NUP153: variants seen among roughly 807,000 people sequenced by gnomAD.
The protein encoded by NUP153 is nuclear pore complex protein Nup153.
A neutral mutation model predicts 134.6 loss-of-function variants in NUP153; 27 were observed. The observed-to-expected ratio is 0.20, with a 90% confidence interval of 0.15 to 0.28. NUP153 has a LOEUF of 0.28. NUP153 is among the 10% of genes least tolerant of loss of function. The pLI, the probability that NUP153 is intolerant of heterozygous loss-of-function variation, is 1.00. For missense variants in NUP153, 1,821 were observed against 1,731.3 expected, an observed-to-expected ratio of 1.05 and a Z score of -0.92; for synonymous variants, 640 against 623.5, an observed-to-expected ratio of 1.03 and a Z score of -0.40.
At position 17,675,120 on chromosome 6, in the gene NUP153, T is replaced by C; in HGVS notation, c.724-87A>G. The C allele has an allele frequency of 6.5e-7, 1 of 1,545,154 alleles. No individual in the cohort carries two copies. The highest frequency in any genetic ancestry group is 1.2e-5 in the South Asian group (1 of 83,872). On this transcript the variant is annotated intron_variant, in intron 4 of 21. Coordinates refer to ENST00000262077, the MANE Select transcript of NUP153 (RefSeq NM_005124.4). This position sits in a 1 kb window ranked among gnomAD's most constrained non-coding sequence, Gnocchi z 4.4. ...GAGTTAAGATCATGCTGCTACACAC[T>C]CAAGCCTGGGCAACAGCAAAAGACT...
chr6:17,653,249 T>C (rs1410012065), intron 11 of NUP153, among the ~76,000 whole-genome samples: 1 of 151,894 alleles, frequency 6.6e-6, no homozygotes, highest in Non-Finnish European at 1.5e-5. Flanking sequence ...CGAGGCTCCA[T>C]CTCAAAAAAA....
intron 11 of NUP153, among the ~76,000 whole-genome samples, chr6:17,657,401 TAA>T (rs140217238): frequency 1.4e-4 from 20 of 140,412 alleles, no homozygotes; most frequent in African/African-American, 4.5e-4. Context: ...AATAAAAAAA[TAA>T]AAAAAAAAAA....
rs1006765084 is a variant in NUP153, at chr6:17,662,026, T to C, written c.1260A>G (p.Gln420=). Residue 420 remains glutamine, a synonymous_variant, in exon 10 of 22, where the codon CAA becomes CAG. Coordinates refer to ENST00000262077, the MANE Select transcript of NUP153 (RefSeq NM_005124.4). ...ATAAGAAATGACAGTACCTTTCTCG[T>C]TGTTCTCTATTTTGTCCGGGTGTCA... ...KNMTPGQNRE[Q]RESGFSYPNF... is the part of the protein sequence containing the mutation. 2 of 1,590,206 alleles carry C rather than the reference T, an allele frequency of 1.3e-6. No homozygotes were observed. The highest frequency in any genetic ancestry group is 2.7e-5 in the African/African-American group (2 of 74,578).
At chr6:17,701,908 G>A (rs1431424127) in intron 1 of NUP153, among the ~76,000 whole-genome samples, 1 of 151,114 alleles carries the variant, frequency 6.6e-6, no homozygotes, top group African/African-American at 2.4e-5. Context: ...TAAAGGCGGA[G>A]TCCCTTAGCT....
rs1428148456 is a variant in NUP153, at chr6:17,632,859, A to AG, written c.2465-16_2465-15insC. 3 of 1,540,526 alleles carry AG rather than the reference A, an allele frequency of 1.9e-6. No homozygotes were observed. Among genetic ancestry groups the AG allele is most frequent in the African/African-American group, 2.8e-5 (2 of 71,744 alleles). On this transcript the variant is annotated splice_polypyrimidine_tract_variant and intron_variant, in intron 16 of 21. Transcript: ENST00000262077. The stretch of plus-strand genomic sequence containing the variant: ...TACTGAACTTCCTAAAAAAAAAAAA[A>AG]AAAACGGGGAGTGGGGGGAGATTTC...
intron 2 of NUP153, among the ~76,000 whole-genome samples, chr6:17,685,743 T>C (rs72837214): frequency 0.044 from 6,685 of 152,202 alleles, 299 homozygotes; most frequent in Admixed American, 0.12. Flanking sequence ...AATACATTTA[T>C]GTACTCTATA....
intron 2 of NUP153, among the ~76,000 whole-genome samples, chr6:17,676,735 G>T (rs1768244288): frequency 2.0e-5 from 3 of 152,138 alleles, no homozygotes; most frequent in Admixed American, 1.3e-4. Context: ...CCAGCTCTCT[G>T]TCTAGGAACA....
chr6:17,650,785 A>G (rs1007052504), intron 11 of NUP153, among the ~76,000 whole-genome samples: 2 of 152,184 alleles, frequency 1.3e-5, no homozygotes, highest in African/African-American at 4.8e-5. Context: ...AATATATTTA[A>G]CTATATAAAG....
At chr6:17,666,003 T>A (rs796472667) in intron 8 of NUP153, among the ~76,000 whole-genome samples, 4 of 150,322 alleles carry the variant, frequency 2.7e-5, no homozygotes, top group African/African-American at 4.9e-5. Context: ...TTTTTTTTTT[T>A]AAATGGAGAC....
In NUP153 at chr6:17,676,842, G is replaced by T. The variant is rs9477505; in HGVS notation, c.335-1072C>A. Among the ~76,000 whole-genome samples the T allele has an allele frequency of 1.8e-3, 277 of 152,272 alleles. 4 individuals are homozygous for T. The highest frequency in any genetic ancestry group is 6.1e-3 in the African/African-American group (254 of 41,534). ...CAGAGTAGGGAACTGTGCAGAGAGG[G>T]TCTCCCAGAAATCCACAAGGGAGTG... On this transcript the variant is annotated intron_variant, in intron 2 of 21. Coordinates refer to ENST00000262077, the MANE Select transcript of NUP153 (RefSeq NM_005124.4).
At chr6:17,684,469 C>A (rs1436150993) in intron 2 of NUP153, among the ~76,000 whole-genome samples, 1 of 152,236 alleles carries the variant, frequency 6.6e-6, no homozygotes, top group East Asian at 1.9e-4. Context: ...CTGGATTACA[C>A]TTTGGCTTAA....
intron 14 of NUP153, among the ~76,000 whole-genome samples, chr6:17,641,421 G>T (rs1296298780): frequency 6.6e-6 from 1 of 152,160 alleles, no homozygotes; most frequent in East Asian, 1.9e-4. Context: ...TGTAGTCTCA[G>T]CTACTCAGGA....
At chr6:17,684,002 A>AT (rs1554145244) in intron 2 of NUP153, among the ~76,000 whole-genome samples, 1 of 152,016 alleles carries the variant, frequency 6.6e-6, no homozygotes, top group Non-Finnish European at 1.5e-5. Context: ...GGTTCACATG[A>AT]TATTTGGTTG....
At chr6:17,694,960 C>T (rs1769541653) in intron 1 of NUP153, among the ~76,000 whole-genome samples, 1 of 141,484 alleles carries the variant, frequency 7.1e-6, no homozygotes, top group East Asian at 2.1e-4. Flanking sequence ...GCCTGAGCAA[C>T]AAAGCGAGAC....
At chr6:17,629,644 G>A in intron 17 of NUP153, 105 bp from the exon 18 acceptor site, 2 of 995,606 alleles carry the variant, frequency 2.0e-6, no homozygotes, top group South Asian at 1.8e-5. Context: ...AACTTTGAAA[G>A]GGCCTACTTT....
Position 17,628,966 on chromosome 6 carries a change from G to A in NUP153, c.3233C>T (p.Thr1078Ile), listed in dbSNP as rs971256475. 3 of 1,613,998 alleles carry A rather than the reference G, an allele frequency of 1.9e-6. No homozygotes were observed. The East Asian group carries it at 6.7e-5, about 36-fold the overall frequency. The change falls in exon 18 of 22, where the codon ACC (threonine) becomes ATC (isoleucine). Residue 1078 changes from threonine (T) to isoleucine (I), a missense_variant. Transcript: ENST00000262077. The surrounding 1 kb of genome is among the most constrained non-coding windows in gnomAD (Gnocchi z 5.4). Reference protein sequence around the residue: ...SEAKKEEMPATKGGFSFGNVE... With the variant: ...SEAKKEEMPAIKGGFSFGNVE... ...GTTGCCAAAAGAGAATCCTCCTTTG[G>A]TGGCAGGCATTTCTTCTTTTTTAGC...
chr6:17,661,596 C>A, intron 11 of NUP153, 57 bp downstream of exon 11: 1 of 1,558,026 alleles, frequency 6.4e-7, no homozygotes, highest in Non-Finnish European at 8.7e-7. Flanking sequence ...CCCCTTACCA[C>A]CACCACACCA....
chr6:17,663,350 C>T (rs1767324610), intron 9 of NUP153, among the ~76,000 whole-genome samples: 1 of 151,918 alleles, frequency 6.6e-6, no homozygotes, highest in African/African-American at 2.4e-5. Context: ...TAGCCTCGAA[C>T]TCCTGGGCTC....
Position 17,624,705 on chromosome 6 carries a change from T to C in NUP153, c.4030A>G (p.Ile1344Val), listed in dbSNP as rs535067637. 1.4e-5 allele frequency: 22 copies of C among 1,614,054 alleles called. No individual in the cohort carries two copies. Among genetic ancestry groups the C allele is most frequent in the African/African-American group, 4.0e-5 (3 of 74,918 alleles). The stretch of plus-strand genomic sequence containing the variant: ...GGAAATAATGCTGTGGAAGATGATA[T>C]AGATCCAAAGCCTGGGGGATTGGGC... Reference protein sequence around the residue: ...SQPNPPGFGSISSSTALFPTG... With the variant: ...SQPNPPGFGSVSSSTALFPTG... The change falls in exon 20 of 22, where the codon ATA becomes GTA. Residue 1344 changes from isoleucine (I) to valine (V), a missense_variant. Transcript: ENST00000262077.
Sources: allele counts gnomAD v4.1 joint callset (sites outside exome capture counted in the v4.1 genomes callset), GRCh38; gene constraint gnomAD v4.1.1; non-coding constraint Gnocchi (gnomAD v3.1); transcripts MANE v1.5; gene names NCBI Gene and HGNC (gene_info 2026-07-23, HGNC 2026-07-21).